Variants in ITM2C observed in about 807,000 individuals in gnomAD.
ITM2C encodes integral membrane protein 2C.
ITM2C carries 20 observed loss-of-function variants against 30.0 expected under a neutral mutation model. The observed-to-expected ratio is 0.67, with a 90% CI of 0.47 to 0.97. The LOEUF is 0.97. ITM2C is among the 50% of genes least tolerant of loss of function. ITM2C has a pLI of 0.00. For synonymous variants in ITM2C, 167 were observed against 156.4 expected (o/e 1.07, Z -0.51); for missense variants, 366 against 371.9 (o/e 0.98, Z 0.13).
At chr2:230,872,852 G>T (rs924232266) in intron 1 of ITM2C, among the ~76,000 whole-genome samples, 1 of 152,198 alleles carries the variant, frequency 6.6e-6, no homozygotes, top group South Asian at 2.1e-4. Context: ...TACACAGCCT[G>T]CCCACCTCCT....
In ITM2C at chr2:230,876,856, G is replaced by T. The variant is rs1263603911; in HGVS notation, c.451-1G>T. 1.2e-6 allele frequency: 2 copies of T among 1,608,644 alleles called. No homozygotes were observed. The highest frequency in any genetic ancestry group is 2.7e-5 in the African/African-American group (2 of 74,834). On this transcript the variant is annotated splice_acceptor_variant, in intron 3 of 5. Transcript: ENST00000326427. LOFTEE classifies it high-confidence loss of function. ...ACTGACCCAACCCCTTCTCCTGCCA[G>T]GGTCTGACTGCGTACCATGATATCT... is the stretch of plus-strand genomic sequence containing the variant.
chr2:230,868,927 C>T (rs1470417410), intron 1 of ITM2C, among the ~76,000 whole-genome samples: 3 of 152,234 alleles, frequency 2.0e-5, no homozygotes, highest in Admixed American at 6.5e-5. Flanking sequence ...TTTGGCGCCC[C>T]GGCAGGCCCC....
rs549164865 is a variant in ITM2C, at chr2:230,868,447, C to T, written c.120+3302C>T. Among the ~76,000 whole-genome samples, 46 of 120,298 alleles carry T rather than the reference C, an allele frequency of 3.8e-4. No homozygotes were observed. In the Middle Eastern group the frequency reaches 0.015, roughly 40 times the overall value. 78.9% of individuals were successfully genotyped at this position (120,298 alleles called of 152,430 possible). A position where few individuals can be genotyped will look rare whatever the true frequency, so the allele number is the denominator to read the frequency against. On this transcript the variant is annotated intron_variant, in intron 1 of 5. Coordinates refer to ENST00000326427, the MANE Select transcript of ITM2C (RefSeq NM_030926.6). ...TTAGCCTGCCCCTTCTCCCCACACCCTGCCTGTGCCTGCACTCACACACAC... is the reference window on the plus strand; with the variant it reads ...TTAGCCTGCCCCTTCTCCCCACACCTTGCCTGTGCCTGCACTCACACACAC...
chr2:230,866,225 G>T (rs902477443), intron 1 of ITM2C, among the ~76,000 whole-genome samples: 3 of 152,084 alleles, frequency 2.0e-5, no homozygotes, highest in Non-Finnish European at 4.4e-5. Context: ...TGTCCTCCCC[G>T]CCTCCCCACC....
At chr2:230,876,032 G>T (rs1042519538) in intron 3 of ITM2C, among the ~76,000 whole-genome samples, 2 of 152,182 alleles carry the variant, frequency 1.3e-5, no homozygotes, top group African/African-American at 4.8e-5. Context: ...CCAGCTGCAC[G>T]CTGGCTGTCA....
intron 1 of ITM2C, 145 bp from the exon 2 acceptor site, chr2:230,873,272 T>G: frequency 4.1e-6 from 3 of 739,766 alleles, no homozygotes; most frequent in Non-Finnish European, 5.9e-6. Flanking sequence ...TGGGCCTTCC[T>G]TTCCCTTCTA....
chr2:230,872,257 C>G (rs1303869647), intron 1 of ITM2C, among the ~76,000 whole-genome samples: 2 of 151,734 alleles, frequency 1.3e-5, no homozygotes, highest in East Asian at 3.8e-4. Context: ...TATGTGGACA[C>G]CACGGAGGAA....
chr2:230,865,067 G>A lies in ITM2C; in HGVS notation c.42G>A (p.Lys14=), dbSNP rs775979109. The change falls in exon 1 of 6, where the codon AAG becomes AAA. Residue 14 remains lysine (K), a synonymous_variant. Coordinates refer to ENST00000326427, the MANE Select transcript of ITM2C (RefSeq NM_030926.6). This position sits in a 1 kb window ranked among gnomAD's most constrained non-coding sequence, Gnocchi z 6.8. ...ISFQPAVAGI[K]GDKADKASAS... ...TCCAGCCCGCCGTGGCTGGCATCAA[G>A]GGCGACAAGGCTGACAAGGCGTCGG... 1.8e-5 allele frequency: 27 copies of A among 1,535,808 alleles called. No individual in the cohort carries two copies. Among genetic ancestry groups the A allele is most frequent in the Non-Finnish European group, 1.5e-5 (17 of 1,138,214 alleles).
chr2:230,874,054 CG>C (rs1316102245), intron 2 of ITM2C, among the ~76,000 whole-genome samples: 2 of 152,202 alleles, frequency 1.3e-5, no homozygotes, highest in Non-Finnish European at 2.9e-5. Flanking sequence ...TCCCCCTCCC[CG>C]GGGGACCTGG....
intron 2 of ITM2C, among the ~76,000 whole-genome samples, chr2:230,874,200 T>C (rs571870742): frequency 5.4e-4 from 82 of 152,312 alleles, no homozygotes; most frequent in African/African-American, 1.9e-3. Flanking sequence ...AGGTGGGACT[T>C]GCCAGTCATT....
At chr2:230,874,687 C>T (rs936583488) in intron 2 of ITM2C, among the ~76,000 whole-genome samples, 1 of 152,190 alleles carries the variant, frequency 6.6e-6, no homozygotes, top group Non-Finnish European at 1.5e-5. Flanking sequence ...GCTGCGATGA[C>T]GCATCCTCCC....
chr2:230,878,011 T>A lies in ITM2C; in HGVS notation c.716T>A (p.Ile239Asn). 1 of 1,612,670 alleles carries A rather than the reference T, an allele frequency of 6.2e-7. No individual in the cohort carries two copies. Among genetic ancestry groups the A allele is most frequent in the Non-Finnish European group, 8.5e-7 (1 of 1,179,222 alleles). Reference sequence around the variant, plus strand: ...GGGTTTTTCTTTTTCCTCCCAGGGATCAACAAGCGTGGGGCCAAGAACTGC... The same window carrying A: ...GGGTTTTTCTTTTTCCTCCCAGGGAACAACAAGCGTGGGGCCAAGAACTGC... Reference protein sequence around the residue: ...RLRRRATRRRINKRGAKNCNA... With the variant: ...RLRRRATRRRNNKRGAKNCNA... Residue 239 changes from isoleucine to asparagine, a missense_variant, in exon 6 of 6, where the codon ATC (isoleucine) becomes AAC (asparagine). By Grantham distance (149) the Ile-to-Asn change is moderately radical. Transcript: ENST00000326427. This position sits in a 1 kb window ranked among gnomAD's most constrained non-coding sequence, Gnocchi z 4.5.
Position 230,865,379 on chromosome 2 carries a change from G to T in ITM2C, c.120+234G>T. On this transcript the variant is annotated intron_variant, in intron 1 of 5. Transcript: ENST00000326427. This position sits in a 1 kb window ranked among gnomAD's most constrained non-coding sequence, Gnocchi z 6.8. ...GAAGAGTGGGAGGCGTCTGGTTCTG[G>T]TCTTCAGGTGGAGAAGTGCTCGAGG... 1 of 412,206 alleles carries T rather than the reference G, an allele frequency of 2.4e-6. No homozygotes were observed. The highest frequency in any genetic ancestry group is 4.1e-6 in the Non-Finnish European group (1 of 243,392). 25.5% of individuals were successfully genotyped at this position (412,206 alleles called of 1,614,324 possible).
Position 230,878,202 on chromosome 2 carries a change from T to C in ITM2C, c.*103T>C. The C allele has an allele frequency of 9.2e-6, 7 of 762,506 alleles. No individual in the cohort carries two copies. The highest frequency in any genetic ancestry group is 1.4e-5 in the Non-Finnish European group (7 of 485,876). 47.2% of individuals were successfully genotyped at this position (762,506 alleles called of 1,614,324 possible). ...CTGCTTAGCTTGTACTTTGGACGCGTTTCTATAGAGGTGACATGTCTCTCC... is the reference window on the plus strand; with the variant it reads ...CTGCTTAGCTTGTACTTTGGACGCGCTTCTATAGAGGTGACATGTCTCTCC... On this transcript the variant is annotated 3_prime_UTR_variant, in exon 6 of 6. Coordinates refer to ENST00000326427, the MANE Select transcript of ITM2C (RefSeq NM_030926.6). The surrounding 1 kb of genome is among the most constrained non-coding windows in gnomAD (Gnocchi z 4.5).
At chr2:230,876,398 G>C (rs1286512587) in intron 3 of ITM2C, among the ~76,000 whole-genome samples, 1 of 152,144 alleles carries the variant, frequency 6.6e-6, no homozygotes, top group Non-Finnish European at 1.5e-5. Context: ...TGCCCGCCCA[G>C]GTATTGAGGA....
Position 230,879,162 on chromosome 2 carries a change from A to T in ITM2C, c.*1063A>T, listed in dbSNP as rs1690030297. 1.3e-5 allele frequency: 2 copies of T among 152,702 alleles called. No homozygotes were observed. The highest frequency in any genetic ancestry group is 4.8e-5 in the African/African-American group (2 of 41,534). The allele number at this position is 152,702 out of a possible 1,614,324, so 9.5% of individuals were successfully genotyped here. ...TAACGCCTTCAGTCAGTCTCTGGGG[A>T]TGAAACTCTTAAATGCTTTGTATAT... On this transcript the variant is annotated 3_prime_UTR_variant, in exon 6 of 6. Transcript: ENST00000326427.
chr2:230,865,009 C>G lies in ITM2C; in HGVS notation c.-17C>G. 1 of 1,461,046 alleles carries G rather than the reference C, an allele frequency of 6.8e-7. No homozygotes were observed. The highest frequency in any genetic ancestry group is 9.1e-7 in the Non-Finnish European group (1 of 1,095,896). The allele number at this position is 1,461,046 out of a possible 1,614,324, so 90.5% of individuals were successfully genotyped here. A position where few individuals can be genotyped will look rare whatever the true frequency, so the allele number is the denominator to read the frequency against. On this transcript the variant is annotated 5_prime_UTR_variant, in exon 1 of 6. Transcript: ENST00000326427. The surrounding 1 kb of genome is among the most constrained non-coding windows in gnomAD (Gnocchi z 6.8). ...ACCGGCAGAGGCTGCGGGGCGGACG[C>G]GCGGGCCGGCGCAGCCATGGTGAAG...
chr2:230,875,524 G>A, intron 2 of ITM2C, 96 bp from the exon 3 acceptor site: 1 of 1,077,976 alleles, frequency 9.3e-7, no homozygotes, highest in Non-Finnish European at 1.3e-6. Context: ...GCAGGCTTTT[G>A]GGGCATGTAG....
chr2:230,876,612 G>T (rs1189875451), intron 3 of ITM2C, among the ~76,000 whole-genome samples: 4 of 152,180 alleles, frequency 2.6e-5, no homozygotes, highest in African/African-American at 9.7e-5. Flanking sequence ...CCCCCGAGTA[G>T]CTGGGACTAC....
Sources: gnomAD v4.1 joint callset for allele counts (sites outside exome capture counted in the v4.1 genomes callset) on GRCh38, gnomAD v4.1.1 for gene constraint, Gnocchi (gnomAD v3.1) non-coding constraint, MANE v1.5 for transcripts, NCBI Gene and HGNC (gene_info 2026-07-23, HGNC 2026-07-21) for gene names.